Variants in TIMM17B observed in about 807,000 individuals in gnomAD.
The protein encoded by TIMM17B is mitochondrial import inner membrane translocase subunit Tim17-B.
Under a neutral mutation model 15.9 loss-of-function variants are expected in TIMM17B, and 10 were observed. The ratio of observed to expected loss-of-function variants is 0.63; its 90% CI spans 0.39 to 1.06. The LOEUF (loss-of-function observed/expected upper bound fraction) is 1.06, where lower values mean the gene tolerates loss of function less well. Among genes scored for constraint, TIMM17B ranks in the 50% least tolerant of loss-of-function variants. TIMM17B has a pLI of 0.01. For synonymous variants in TIMM17B, 57 were observed against 57.2 expected (o/e 1.00, Z 0.02); for missense variants, 114 against 152.2 (o/e 0.75, Z 1.32).
At chrX:48,894,801 A>G (rs1409848012) in intron 4 of TIMM17B, among the ~76,000 whole-genome samples, 4 of 111,701 alleles carry the variant, frequency 3.6e-5, no homozygotes, top group Non-Finnish European at 7.5e-5. Context: ...AGTGAGGTTC[A>G]GAGAGGTTAA....
rs1221160665 is a variant in TIMM17B, at chrX:48,898,012, C to T, written c.-73+55G>A. 22 of 991,174 alleles carry T rather than the reference C, an allele frequency of 2.2e-5. No homozygotes were observed. In the African/African-American group the frequency reaches 4.4e-4, roughly 20 times the overall value. 81.7% of individuals were successfully genotyped at this position (991,174 alleles called of 1,213,427 possible). Reference sequence around the variant, plus strand: ...TTTTGGGAAGAGAGTCGTGTGGGCCCAGGTATCGTAGCGGCGACACGAGAG... The same window carrying T: ...TTTTGGGAAGAGAGTCGTGTGGGCCTAGGTATCGTAGCGGCGACACGAGAG... On this transcript the variant is annotated intron_variant, in intron 1 of 6. Coordinates refer to ENST00000376582, the Ensembl canonical transcript of TIMM17B.
exon 4 of TIMM17B, chrX:48,895,094 C>A: frequency 8.3e-7 from 1 of 1,197,642 alleles, no homozygotes; most frequent in Non-Finnish European, 1.1e-6. Context: ...CAACCGGTGC[C>A]GAATTCCCTG....
intron 2 of TIMM17B, chrX:48,897,191 C>A: frequency 3.4e-6 from 1 of 295,309 alleles, no homozygotes; most frequent in Non-Finnish European, 5.8e-6. Context: ...GTTAACTAGC[C>A]AAGACAGACT....
intron 4 of TIMM17B, 33 bp from the exon 4 acceptor site, chrX:48,894,258 G>A: frequency 8.3e-7 from 1 of 1,198,538 alleles, no homozygotes; most frequent in Non-Finnish European, 1.1e-6. Flanking sequence ...TTAGTTCCTG[G>A]GAAATCCTGA....
At chrX:48,894,627 C>T (rs2063298981) in intron 4 of TIMM17B, among the ~76,000 whole-genome samples, 2 of 111,878 alleles carry the variant, frequency 1.8e-5, no homozygotes, top group Admixed American at 1.9e-4. Context: ...TTACTGTGTG[C>T]CAGGACCTGT....
exon 7 of TIMM17B, chrX:48,893,684 C>T (rs2063293427): frequency 1.4e-5 from 14 of 1,027,000 alleles, no homozygotes; most frequent in South Asian, 4.6e-5. Context: ...GGTAGACCAT[C>T]GGGGAGGGAA....
At chrX:48,894,035 C>T (rs1557039109) in intron 5 of TIMM17B, 25 bp from the exon 5 acceptor site, 9 of 1,198,425 alleles carry the variant, frequency 7.5e-6, no homozygotes, top group Non-Finnish European at 9.0e-6. Context: ...GGCAGAGAAA[C>T]AGAGGTGAGA....
Position 48,897,503 on chromosome X carries a change from G to A in TIMM17B, c.26+221C>T, listed in dbSNP as rs1395529609. On this transcript the variant is annotated intron_variant, in intron 2 of 6. Coordinates refer to ENST00000376582, the Ensembl canonical transcript of TIMM17B. ...CAGGGCTAGGAGATTACGAAGTCAG[G>A]AGAAACATGGCGTGGTTCGGCCTTC... 1.8e-5 allele frequency: 8 copies of A among 437,219 alleles called. No homozygotes were observed. In the East Asian group the frequency reaches 2.7e-4, roughly 15 times the overall value. The allele number at this position is 437,219 out of a possible 1,213,427, so 36.0% of individuals were successfully genotyped here. A position where few individuals can be genotyped will look rare whatever the true frequency, so the allele number is the denominator to read the frequency against.
exon 7 of TIMM17B, chrX:48,893,559 G>C (rs1299527838): frequency 2.5e-6 from 1 of 398,616 alleles, no homozygotes; most frequent in African/African-American, 2.6e-5. Flanking sequence ...GAGAAAAAGG[G>C]GACCCATCTG....
exon 7 of TIMM17B, chrX:48,893,676 T>C (rs2063293370): frequency 1.0e-6 from 1 of 988,853 alleles, no homozygotes; most frequent in Non-Finnish European, 1.4e-6. Context: ...CCCTTCGAGG[T>C]AGACCATCGG....
chrX:48,894,330 C>A, intron 4 of TIMM17B, 105 bp from the exon 4 acceptor site: 2 of 890,968 alleles, frequency 2.2e-6, no homozygotes, highest in Admixed American at 2.8e-5. Context: ...GGGAGAAAAA[C>A]CCAGACACAA....
chrX:48,894,330 C>T (rs1267316996), intron 4 of TIMM17B, 105 bp from the exon 4 acceptor site: 2 of 889,079 alleles, frequency 2.2e-6, no homozygotes, highest in Non-Finnish European at 3.2e-6. Context: ...GGGAGAAAAA[C>T]CCAGACACAA....
intron 3 of TIMM17B, chrX:48,895,573 A>T: frequency 1.4e-5 from 7 of 492,635 alleles, no homozygotes; most frequent in Non-Finnish European, 2.2e-5. Context: ...AAGGAGGGGG[A>T]ATCTGTGCTG....
intron 4 of TIMM17B, 136 bp from the exon 4 acceptor site, chrX:48,894,361 C>T: frequency 1.6e-6 from 1 of 621,664 alleles, no homozygotes; most frequent in Non-Finnish European, 2.5e-6. Context: ...CAAACCCACA[C>T]AGAGTATTTC....
At chrX:48,897,073 T>C in intron 2 of TIMM17B, 9 of 829,604 alleles carry the variant, frequency 1.1e-5, no homozygotes, top group Non-Finnish European at 1.5e-5. Flanking sequence ...GAAATATTAG[T>C]CTTCGCCCTG....
At position 48,894,014 on chromosome X, in the gene TIMM17B, G is replaced by T. The variant is rs1569509113; in HGVS notation, c.320-4C>A. The T allele has an allele frequency of 4.2e-6, 5 of 1,202,216 alleles. No homozygotes were observed. The highest frequency in any genetic ancestry group is 5.6e-6 in the Non-Finnish European group (5 of 889,177). On this transcript the variant is annotated splice_region_variant and splice_polypyrimidine_tract_variant and intron_variant, in intron 5 of 6. Coordinates refer to ENST00000376582, the Ensembl canonical transcript of TIMM17B. ...CCCACCATGGCCAGTGGGCCACCTG[G>T]GGGAGTTGGAGGCAGAGAAACAGAG... is the stretch of plus-strand genomic sequence containing the variant.
Position 48,893,771 on chromosome X carries a change from G to A in TIMM17B, c.477C>T (p.Gly159=), listed in dbSNP as rs782254343. Reference sequence around the variant, plus strand: ...AGCTGGGGTAGCCTGGGGCCGGGGTGCCATCCTTAGGGGGCAGCTGGCTGG... The same window carrying A: ...AGCTGGGGTAGCCTGGGGCCGGGGTACCATCCTTAGGGGGCAGCTGGCTGG... The change falls in exon 7 of 7, where the codon GGC becomes GGT. Residue 159 remains glycine (G), a synonymous_variant. Coordinates refer to ENST00000376582, the Ensembl canonical transcript of TIMM17B. 8 of 1,166,485 alleles carry A rather than the reference G, an allele frequency of 6.9e-6. No homozygotes were observed. The African/African-American group carries it at 1.4e-4, about 21-fold the overall frequency.
Position 48,896,874 on chromosome X carries a change from G to A in TIMM17B, c.27-16C>T, listed in dbSNP as rs781990570. ...TCGCCATGGGCTGCAAGCAGGAAGG[G>A]AAGGACGGGGTTAATGTGAGCCCTC... is the stretch of plus-strand genomic sequence containing the variant. On this transcript the variant is annotated splice_polypyrimidine_tract_variant and intron_variant, in intron 2 of 6. Transcript: ENST00000376582. The A allele has an allele frequency of 1.7e-6, 2 of 1,210,451 alleles. No individual in the cohort carries two copies. The highest frequency in any genetic ancestry group is 3.5e-5 in the South Asian group (2 of 56,839).
chrX:48,897,080 CCTGT>C, intron 2 of TIMM17B: 1 of 781,955 alleles, frequency 1.3e-6, no homozygotes, highest in South Asian at 2.9e-5. Context: ...TAGTCTTCGC[CCTGT>C]CTACCAACCA....
Sources: allele counts gnomAD v4.1 joint callset (sites outside exome capture counted in the v4.1 genomes callset), GRCh38; gene constraint gnomAD v4.1.1; transcripts MANE v1.5; gene names NCBI Gene and HGNC (gene_info 2026-07-23, HGNC 2026-07-21).